The following ERF variants were observed in gnomAD, a reference collection of about 807,000 sequenced individuals.
ERF encodes ETS domain-containing transcription factor ERF.
ERF carries 10 observed loss-of-function variants against 41.6 expected under a neutral mutation model. The observed-to-expected ratio is 0.24, with a 90% confidence interval of 0.15 to 0.41. The LOEUF (loss-of-function observed/expected upper bound fraction) is 0.41, where lower values mean the gene tolerates loss of function less well. Among genes scored for constraint, ERF ranks in the 10% least tolerant of loss-of-function variants. The pLI is 1.00. For synonymous variants in ERF, 395 were observed against 342.4 expected, an observed-to-expected ratio of 1.15 and a Z score of -1.70; for missense variants, 621 against 763.2, an observed-to-expected ratio of 0.81 and a Z score of 2.19.
At position 42,248,514 on chromosome 19, in the gene ERF, T is replaced by C; in HGVS notation, c.1598A>G (p.Asp533Gly). The change falls in exon 4 of 4, where the codon GAC (aspartate) becomes GGC (glycine). Residue 533 changes from aspartate (D) to glycine (G), a missense_variant. By Grantham distance (94) the Asp-to-Gly change is moderately conservative. Coordinates refer to ENST00000222329, the MANE Select transcript of ERF (RefSeq NM_006494.4). The surrounding 1 kb of genome is among the most constrained non-coding windows in gnomAD (Gnocchi z 4.2). ...GAGCTGGGCCGTGGCATGCTGGAGG[T>C]CAGAGCTCACCCGCCTTGGGGTGAG... ...GPLTPRRVSSDLQHATAQLSL... is the reference protein window; with the variant it reads ...GPLTPRRVSSGLQHATAQLSL... 1 of 1,520,482 alleles carries C rather than the reference T, an allele frequency of 6.6e-7. No homozygotes were observed. Among genetic ancestry groups the C allele is most frequent in the Non-Finnish European group, 8.8e-7 (1 of 1,137,420 alleles). 94.2% of individuals were successfully genotyped at this position (1,520,482 alleles called of 1,614,324 possible). A position where few individuals can be genotyped will look rare whatever the true frequency, so the allele number is the denominator to read the frequency against.
At chr19:42,252,331 A>G in intron 1 of ERF, among the ~76,000 whole-genome samples, 1 of 152,140 alleles carries the variant, frequency 6.6e-6, no homozygotes. Flanking sequence ...GGATGTACTG[A>G]CTTCCACCCT....
At chr19:42,254,295 G>T (rs1011985874) in intron 1 of ERF, among the ~76,000 whole-genome samples, 37 of 151,948 alleles carry the variant, frequency 2.4e-4, no homozygotes, top group African/African-American at 8.0e-4. Flanking sequence ...CACCGGTGGC[G>T]CGGGAGGAGG....
intron 1 of ERF, among the ~76,000 whole-genome samples, chr19:42,254,125 A>C (rs1157038343): frequency 6.7e-6 from 1 of 148,766 alleles, no homozygotes; most frequent in East Asian, 2.0e-4. Flanking sequence ...ACCGAGGGGG[A>C]GGGGAACCTT....
rs968055688 is a variant in ERF at position 42,250,730 on chromosome 19, C to CTGCA, written c.23-169_23-166dup. ...GAGAAGACAGTGCGTGTCTGTCTGTCTGCATGTGAGGGGCTAGACAGGAGC... is the reference window on the plus strand; with the variant it reads ...GAGAAGACAGTGCGTGTCTGTCTGTCTGCATGCATGTGAGGGGCTAGACAGGAGC... On this transcript the variant is annotated intron_variant, in intron 1 of 3. Coordinates refer to ENST00000222329, the MANE Select transcript of ERF (RefSeq NM_006494.4). This position sits in a 1 kb window ranked among gnomAD's most constrained non-coding sequence, Gnocchi z 5.1. Among the ~76,000 whole-genome samples, 1 of 152,188 alleles carries CTGCA rather than the reference C, an allele frequency of 6.6e-6. No homozygotes were observed. The highest frequency in any genetic ancestry group is 2.4e-5 in the African/African-American group (1 of 41,442).
At chr19:42,253,833 GGCACACACCCGCACACAGGA>G in intron 1 of ERF, 1 of 1,023,590 alleles carries the variant, frequency 9.8e-7, no homozygotes, top group Non-Finnish European at 1.2e-6. Flanking sequence ...GGCCGGTCGG[GGCACACACCCGCACACAGGA>G]GCCCGAGCCG....
intron 1 of ERF, chr19:42,251,531 A>G (rs1479816135): frequency 4.2e-6 from 1 of 236,716 alleles, no homozygotes; most frequent in East Asian, 1.8e-4. Context: ...GGCAGCCGGT[A>G]ATGGAGGGGT....
chr19:42,249,139 G>A lies in ERF; in HGVS notation c.973C>T (p.His325Tyr). The change falls in exon 4 of 4, where the codon CAC becomes TAC. Residue 325 changes from histidine (H) to tyrosine (Y), a missense_variant. His to Tyr is a moderately conservative substitution (Grantham distance 83, BLOSUM62 2). This residue lies in a region of ERF where 569 missense variants were observed against 625.5 expected (regional missense o/e 0.91). Transcript: ENST00000222329. This position sits in a 1 kb window ranked among gnomAD's most constrained non-coding sequence, Gnocchi z 8.6. ...QAHTQSVYNY[H>Y]LSPRAFLHYP... Reference sequence around the variant, plus strand: ...TGCAGGAAGGCGCGGGGGCTGAGGTGGTAGTTGTAGACGCTTTGGGTGTGG... The same window carrying A: ...TGCAGGAAGGCGCGGGGGCTGAGGTAGTAGTTGTAGACGCTTTGGGTGTGG... The A allele has an allele frequency of 6.2e-7, 1 of 1,613,900 alleles. No individual in the cohort carries two copies. Among genetic ancestry groups the A allele is most frequent in the Non-Finnish European group, 8.5e-7 (1 of 1,179,890 alleles).
intron 1 of ERF, among the ~76,000 whole-genome samples, chr19:42,252,971 G>A (rs2036469030): frequency 6.6e-6 from 1 of 151,688 alleles, no homozygotes; most frequent in African/African-American, 2.4e-5. Context: ...GAGGGGTTCA[G>A]GAGACTGCGA....
rs2036391804 is a variant in ERF at position 42,249,101 on chromosome 19, C to T, written c.1011G>A (p.Leu337=). ...SPRAFLHYPG[L]VVPQPQRPDK... ...CAGGGCGCTGGGGCTGGGGCACCAC[C>T]AGCCCAGGGTAGTGCAGGAAGGCGC... Residue 337 remains leucine, a synonymous_variant, in exon 4 of 4, where the codon CTG becomes CTA. Coordinates refer to ENST00000222329, the MANE Select transcript of ERF (RefSeq NM_006494.4). The surrounding 1 kb of genome is among the most constrained non-coding windows in gnomAD (Gnocchi z 8.6). 1 of 1,613,718 alleles carries T rather than the reference C, an allele frequency of 6.2e-7. No individual in the cohort carries two copies. The highest frequency in any genetic ancestry group is 8.5e-7 in the Non-Finnish European group (1 of 1,179,884).
Position 42,255,010 on chromosome 19 carries a change from C to A in ERF, c.-11G>T. On this transcript the variant is annotated 5_prime_UTR_variant, in exon 1 of 4. Coordinates refer to ENST00000222329, the MANE Select transcript of ERF (RefSeq NM_006494.4). The stretch of plus-strand genomic sequence containing the variant: ...CGCCGGGGTCTTCATGCTGGGGGGC[C>A]CGGGGCGAAGCGCCCCGATTCCGGG... 1 of 1,432,262 alleles carries A rather than the reference C, an allele frequency of 7.0e-7. No homozygotes were observed. Among genetic ancestry groups the A allele is most frequent in the Non-Finnish European group, 9.1e-7 (1 of 1,094,728 alleles). The allele number at this position is 1,432,262 out of a possible 1,614,324, so 88.7% of individuals were successfully genotyped here.
chr19:42,254,807 G>A (rs2036506743), intron 1 of ERF, among the ~76,000 whole-genome samples, 171 bp downstream of exon 1: 1 of 152,206 alleles, frequency 6.6e-6, no homozygotes. Flanking sequence ...GGGGGTCCCA[G>A]GCAGCAACCC....
rs371883298 is a variant in ERF at position 42,249,373 on chromosome 19, G to T, written c.739C>A (p.Pro247Thr). The T allele has an allele frequency of 1.3e-6, 2 of 1,576,088 alleles. No homozygotes were observed. The highest frequency in any genetic ancestry group is 1.7e-6 in the Non-Finnish European group (2 of 1,161,584). The change falls in exon 4 of 4, where the codon CCC becomes ACC. Residue 247 changes from proline to threonine, a missense_variant. Pro to Thr is a conservative substitution (Grantham distance 38). Coordinates refer to ENST00000222329, the MANE Select transcript of ERF (RefSeq NM_006494.4). The surrounding 1 kb of genome is among the most constrained non-coding windows in gnomAD (Gnocchi z 8.6). ...RPRGGPEPLS[P>T]FPVSPLAGPG... ...CCGGCCAGAGGCGACACAGGGAAGG[G>T]GCTGAGGGGTTCAGGGCCACCCCGA... is the stretch of plus-strand genomic sequence containing the variant.
chr19:42,248,332 A>G lies in ERF; in HGVS notation c.*133T>C, dbSNP rs909527200. On this transcript the variant is annotated 3_prime_UTR_variant, in exon 4 of 4. Coordinates refer to ENST00000222329, the MANE Select transcript of ERF (RefSeq NM_006494.4). The surrounding 1 kb of genome is among the most constrained non-coding windows in gnomAD (Gnocchi z 4.2). ...AAAAAAGAAATTAAAGTTTTATACA[A>G]AATGTGGGGAGGGAAAAGGGAGGAG... 1.2e-6 allele frequency: 1 copy of G among 803,122 alleles called. No homozygotes were observed. Among genetic ancestry groups the G allele is most frequent in the Non-Finnish European group, 1.7e-6 (1 of 581,354 alleles). 49.7% of individuals were successfully genotyped at this position (803,122 alleles called of 1,614,324 possible). A position where few individuals can be genotyped will look rare whatever the true frequency, so the allele number is the denominator to read the frequency against.
intron 1 of ERF, chr19:42,254,013 G>T (rs1007900223): frequency 5.4e-6 from 5 of 917,608 alleles, no homozygotes; most frequent in Non-Finnish European, 6.5e-6. Context: ...CTGCGCGCTC[G>T]GGCGCAAAGT....
At chr19:42,252,760 G>T (rs1464990361) in intron 1 of ERF, among the ~76,000 whole-genome samples, 1 of 152,198 alleles carries the variant, frequency 6.6e-6, no homozygotes, top group Admixed American at 6.5e-5. Flanking sequence ...GGTGACGTCA[G>T]GGTGTCTCAA....
Position 42,248,909 on chromosome 19 carries a change from CTT to C in ERF, c.1201_1202del (p.Lys401GlufsTer10), listed in dbSNP as rs1064794325. 3 of 1,607,724 alleles carry C rather than the reference CTT, an allele frequency of 1.9e-6. No homozygotes were observed. Among genetic ancestry groups the C allele is most frequent in the Non-Finnish European group, 2.5e-6 (3 of 1,179,598 alleles). On this transcript the variant is annotated frameshift_variant, in exon 4 of 4. Transcript: ENST00000222329. LOFTEE classifies it high-confidence loss of function. The surrounding 1 kb of genome is among the most constrained non-coding windows in gnomAD (Gnocchi z 4.2). ...AGEKAVAGAD[K>X]SGGSAGGLAE... ...CCAGCCCGCCTGCACTGCCACCGCT[CTT>C]GTCAGCACCGGCTACGGCCTTCTCC...
intron 1 of ERF, chr19:42,251,404 G>C: frequency 1.0e-6 from 1 of 982,912 alleles, no homozygotes; most frequent in Non-Finnish European, 1.2e-6. Context: ...GTAGAGGTTG[G>C]CGGTGGGCTG....
At position 42,249,128 on chromosome 19, in the gene ERF, G is replaced by C. The variant is rs745308883; in HGVS notation, c.984C>G (p.Pro328=). The change falls in exon 4 of 4, where the codon CCC becomes CCG. Residue 328 remains proline, a synonymous_variant. Coordinates refer to ENST00000222329, the MANE Select transcript of ERF (RefSeq NM_006494.4). The surrounding 1 kb of genome is among the most constrained non-coding windows in gnomAD (Gnocchi z 8.6). ...GCCCAGGGTAGTGCAGGAAGGCGCG[G>C]GGGCTGAGGTGGTAGTTGTAGACGC... ...TQSVYNYHLS[P]RAFLHYPGLV... 25 of 1,613,810 alleles carry C rather than the reference G, an allele frequency of 1.5e-5. No individual in the cohort carries two copies. Among genetic ancestry groups the C allele is most frequent in the Admixed American group, 3.3e-5 (2 of 60,002 alleles).
Position 42,250,610 on chromosome 19 carries a change from T to G in ERF, c.23-45A>C, listed in dbSNP as rs2036428998. The G allele has an allele frequency of 1.3e-6, 2 of 1,586,114 alleles. No homozygotes were observed. The highest frequency in any genetic ancestry group is 2.7e-5 in the African/African-American group (2 of 74,404). ...AGTGGCCTGGGGTCAGGCTGCCAAG[T>G]CCAGGGCTCTGGGTCCCATCCCAGG... On this transcript the variant is annotated intron_variant, in intron 1 of 3. Transcript: ENST00000222329. This position sits in a 1 kb window ranked among gnomAD's most constrained non-coding sequence, Gnocchi z 5.1.
Sources: gnomAD v4.1 joint callset for allele counts (sites outside exome capture counted in the v4.1 genomes callset) on GRCh38, gnomAD v4.1.1 for gene constraint, gnomAD v4.1.1 regional missense constraint, Gnocchi (gnomAD v3.1) non-coding constraint, MANE v1.5 for transcripts, NCBI Gene and HGNC (gene_info 2026-07-23, HGNC 2026-07-21) for gene names.